ZRANB3: variants seen among roughly 807,000 people sequenced by gnomAD.
ZRANB3 encodes the protein zinc finger RANBP2-type containing 3.
In ZRANB3, 125 loss-of-function variants were observed where a neutral mutation model predicts 133.8. The ratio of observed to expected loss-of-function variants is 0.93; its 90% CI spans 0.81 to 1.08. ZRANB3 has a LOEUF of 1.08. Among genes scored for constraint, ZRANB3 ranks in the 50% least tolerant of loss-of-function variants. The probability of loss-of-function intolerance (pLI) is 0.00; values close to 1 mark genes in which losing one functional copy is unlikely to be tolerated. For synonymous variants in ZRANB3, 387 were observed against 432.7 expected (o/e 0.89, Z 1.31); for missense variants, 1,229 against 1,275.5 (o/e 0.96, Z 0.56).
chr2:135,202,685 G>T, intron 20 of ZRANB3, 147 bp downstream of exon 20: 1 of 952,782 alleles, frequency 1.0e-6, no homozygotes, highest in Non-Finnish European at 1.5e-6. Flanking sequence ...GAGAGGAAAG[G>T]CAAGTGTTGG....
intron 3 of ZRANB3, among the ~76,000 whole-genome samples, chr2:135,384,269 A>T (rs1472007804): frequency 6.6e-6 from 1 of 152,210 alleles, no homozygotes; most frequent in Non-Finnish European, 1.5e-5. Context: ...TCCTTGACAC[A>T]TACACTCTCC....
chr2:135,318,718 CTT>C (rs1683376698), intron 6 of ZRANB3, among the ~76,000 whole-genome samples: 1 of 152,046 alleles, frequency 6.6e-6, no homozygotes, highest in African/African-American at 2.4e-5. Context: ...TTTGTTTTCA[CTT>C]TGTCTATCTG....
At chr2:135,366,944 C>T (rs1467055997) in intron 3 of ZRANB3, among the ~76,000 whole-genome samples, 1 of 152,164 alleles carries the variant, frequency 6.6e-6, no homozygotes, top group East Asian at 1.9e-4. Context: ...TGGCGTCAAC[C>T]CGGGAGGCAG....
intron 2 of ZRANB3, among the ~76,000 whole-genome samples, chr2:135,433,318 T>C (rs891032038): frequency 2.0e-5 from 3 of 149,630 alleles, no homozygotes; most frequent in Non-Finnish European, 3.0e-5. Flanking sequence ...TCCTGGGAGG[T>C]TGATGCTGCG....
chr2:135,493,143 ATATATATATATATATATATATATATATAT>A (rs1371964773), intron 2 of ZRANB3, among the ~76,000 whole-genome samples: 3 of 65,280 alleles, frequency 4.6e-5, no homozygotes, highest in South Asian at 7.0e-4. Context: ...ATATATATAT[ATATATATATATATATATATATATATATAT>A]AAATAGAAAA....
intron 5 of ZRANB3, among the ~76,000 whole-genome samples, chr2:135,347,103 T>C (rs1684971824): frequency 1.3e-5 from 2 of 152,212 alleles, no homozygotes; most frequent in Admixed American, 1.3e-4. Flanking sequence ...ATTCATGTTG[T>C]AACACATATA....
At chr2:135,380,309 G>A (rs13033230) in intron 3 of ZRANB3, among the ~76,000 whole-genome samples, 74 of 152,180 alleles carry the variant, frequency 4.9e-4, no homozygotes, top group South Asian at 2.1e-3. Context: ...TGCACCAAGC[G>A]GACCTAATAG....
intron 3 of ZRANB3, among the ~76,000 whole-genome samples, chr2:135,356,074 C>T (rs1002370381): frequency 1.3e-5 from 2 of 152,014 alleles, no homozygotes; most frequent in Non-Finnish European, 2.9e-5. Flanking sequence ...ACCGCCACTC[C>T]TCAAAATTTC....
In ZRANB3 at chr2:135,198,703, T is replaced by C. The variant is rs1693498831; in HGVS notation, c.*1639A>G. On this transcript the variant is annotated 3_prime_UTR_variant, in exon 21 of 21. Transcript: ENST00000264159. ...CAACCGTGACAAATCCTAGGTTACC[T>C]TGGAAATGAGGCAGAAAACTGCAAA... The C allele has an allele frequency of 6.6e-6, 1 of 152,098 alleles. No homozygotes were observed. Among genetic ancestry groups the C allele is most frequent in the South Asian group, 2.1e-4 (1 of 4,822 alleles). The allele number at this position is 152,098 out of a possible 1,614,324, so 9.4% of individuals were successfully genotyped here. A position where few individuals can be genotyped will look rare whatever the true frequency, so the allele number is the denominator to read the frequency against.
chr2:135,488,131 G>T (rs995302755), intron 2 of ZRANB3, among the ~76,000 whole-genome samples: 2 of 152,058 alleles, frequency 1.3e-5, no homozygotes, highest in African/African-American at 4.8e-5. Context: ...CTGTGGAGAG[G>T]GAAAGAGAGG....
At chr2:135,433,744 A>C (rs10209482) in intron 2 of ZRANB3, among the ~76,000 whole-genome samples, 47,044 of 152,012 alleles carry the variant, frequency 0.31, 11,293 homozygotes, top group African/African-American at 0.66. Flanking sequence ...CGCCTGTAAT[A>C]CCGGCACTTT....
At chr2:135,269,669 T>C (rs1573797314) in intron 10 of ZRANB3, among the ~76,000 whole-genome samples, 1 of 152,234 alleles carries the variant, frequency 6.6e-6, no homozygotes, top group African/African-American at 2.4e-5. Flanking sequence ...TTGCATTTTC[T>C]GTACAACTGC....
chr2:135,369,993 C>G (rs1482548115), intron 3 of ZRANB3, among the ~76,000 whole-genome samples: 2 of 151,334 alleles, frequency 1.3e-5, no homozygotes, highest in East Asian at 1.9e-4. Context: ...GAGCTATACA[C>G]CCCCACTCAT....
At chr2:135,373,036 C>T (rs957538054) in intron 3 of ZRANB3, among the ~76,000 whole-genome samples, 5 of 144,680 alleles carry the variant, frequency 3.5e-5, no homozygotes, top group African/African-American at 1.0e-4. Flanking sequence ...CCAGCCTAGG[C>T]GACAAAAGCG....
Position 135,353,538 on chromosome 2 carries a change from T to A in ZRANB3, c.271A>T (p.Arg91Trp). ...TCAATTTCTTCTGTCCAAGGGTACC[T>A]CAGAGACGAAGGGACCACTATTAAC... is the stretch of plus-strand genomic sequence containing the variant. ...PLLIVVPSSLRYPWTEEIEKW... is the reference protein window; with the variant it reads ...PLLIVVPSSLWYPWTEEIEKW... The change falls in exon 4 of 21, where the codon AGG becomes TGG. Residue 91 changes from arginine to tryptophan, a missense_variant. By Grantham distance (101) the Arg-to-Trp change is moderately radical. Transcript: ENST00000264159. 1 of 1,611,162 alleles carries A rather than the reference T, an allele frequency of 6.2e-7. No individual in the cohort carries two copies. The highest frequency in any genetic ancestry group is 1.1e-5 in the South Asian group (1 of 90,748).
At chr2:135,484,583 T>C (rs375655897) in intron 2 of ZRANB3, among the ~76,000 whole-genome samples, 1 of 151,894 alleles carries the variant, frequency 6.6e-6, no homozygotes, top group South Asian at 2.1e-4. Context: ...ATTTAATGCA[T>C]GGTTTTTTAA....
At chr2:135,457,881 G>A (rs1310312552) in intron 2 of ZRANB3, among the ~76,000 whole-genome samples, 1 of 152,004 alleles carries the variant, frequency 6.6e-6, no homozygotes, top group East Asian at 1.9e-4. Flanking sequence ...CTTTATTAAT[G>A]ATGTCCTTTA....
chr2:135,438,076 C>G (rs1209402188), intron 2 of ZRANB3, among the ~76,000 whole-genome samples: 1 of 152,154 alleles, frequency 6.6e-6, no homozygotes, highest in Non-Finnish European at 1.5e-5. Flanking sequence ...AATATCACCA[C>G]CAATTTTCCT....
intron 2 of ZRANB3, among the ~76,000 whole-genome samples, chr2:135,482,091 C>T (rs1431449552): frequency 7.4e-5 from 10 of 135,276 alleles, no homozygotes; most frequent in South Asian, 5.0e-4. Flanking sequence ...ATTGACTTGG[C>T]GATGCGGGCT....
Sources: allele counts gnomAD v4.1 joint callset (sites outside exome capture counted in the v4.1 genomes callset), GRCh38; gene constraint gnomAD v4.1.1; transcripts MANE v1.5; gene names NCBI Gene and HGNC (gene_info 2026-07-23, HGNC 2026-07-21).